Variants in NFIB observed in about 807,000 individuals in gnomAD.
NFIB encodes nuclear factor I B, also known as nuclear factor 1 B-type.
A neutral mutation model predicts 61.5 loss-of-function variants in NFIB; 11 were observed. The ratio of observed to expected loss-of-function variants is 0.18; its 90% confidence interval spans 0.11 to 0.30. NFIB has a LOEUF of 0.30. Ranked by LOEUF, NFIB falls within the 10% of genes least tolerant of loss-of-function variation. The pLI is 1.00. For missense variants in NFIB, 471 were observed against 608.9 expected (o/e 0.77, Z 2.38); for synonymous variants, 260 against 216.5 (o/e 1.20, Z -1.76).
the NFIB span, among the ~76,000 whole-genome samples, chr9:14,450,055 G>A: frequency 6.6e-6 from 1 of 151,948 alleles, no homozygotes; most frequent in East Asian, 1.9e-4. Flanking sequence ...GTGCCATGTT[G>A]GTTTGCTGCA....
rs567352259 is a variant in NFIB at position 14,084,384 on chromosome 9, G to C, written c.*3925C>G. ...ATTAAGAAGACCTTTCGCTCTTCTC[G>C]CTACTTGCAGCTTCACAGATTCATT... On this transcript the variant is annotated 3_prime_UTR_variant, in exon 11 of 11. Transcript: ENST00000380953. 1 of 222,208 alleles carries C rather than the reference G, an allele frequency of 4.5e-6. No individual in the cohort carries two copies. Among genetic ancestry groups the C allele is most frequent in the East Asian group, 6.6e-5 (1 of 15,174 alleles). The allele number at this position is 222,208 out of a possible 1,614,324, so 13.8% of individuals were successfully genotyped here. A position where few individuals can be genotyped will look rare whatever the true frequency, so the allele number is the denominator to read the frequency against.
chr9:14,088,392 A>AACAAT, intron 10 of NFIB, 66 bp from the exon 11 acceptor site: 1 of 1,379,502 alleles, frequency 7.2e-7, no homozygotes, highest in Non-Finnish European at 9.6e-7. Context: ...TAAAATCTAC[A>AACAAT]ACAATATGAG....
At chr9:14,488,529 A>C in the NFIB span, among the ~76,000 whole-genome samples, 9 of 152,072 alleles carry the variant, frequency 5.9e-5, no homozygotes, top group African/African-American at 2.2e-4. Context: ...TTAGCTTATA[A>C]TTTTCATGCC....
At chr9:14,514,091 G>A in the NFIB span, among the ~76,000 whole-genome samples, 1 of 152,072 alleles carries the variant, frequency 6.6e-6, no homozygotes, top group East Asian at 1.9e-4. Context: ...AAAATTTGTG[G>A]CAATGTAGCT....
intron 3 of NFIB, among the ~76,000 whole-genome samples, chr9:14,162,442 C>T (rs749938067): frequency 5.3e-5 from 8 of 152,002 alleles, no homozygotes; most frequent in Non-Finnish European, 8.8e-5. Context: ...ATTATCTTTG[C>T]TCATCCATGG....
At chr9:14,111,345 G>C (rs1332686557) in intron 10 of NFIB, among the ~76,000 whole-genome samples, 1 of 152,168 alleles carries the variant, frequency 6.6e-6, no homozygotes, top group Non-Finnish European at 1.5e-5. Flanking sequence ...CCATAGGTTA[G>C]GGTAGTGGAG....
At chr9:14,100,701 G>C (rs1161279089) in intron 10 of NFIB, among the ~76,000 whole-genome samples, 2 of 152,196 alleles carry the variant, frequency 1.3e-5, no homozygotes, top group African/African-American at 4.8e-5. Flanking sequence ...TTGACAGAGC[G>C]AGACTCCGTC....
the NFIB span, among the ~76,000 whole-genome samples, chr9:14,441,195 T>A: frequency 6.8e-6 from 1 of 147,104 alleles, no homozygotes; most frequent in Non-Finnish European, 1.5e-5. Context: ...AAAACCAGCC[T>A]AATTGAATGT....
At chr9:14,274,105 A>C (rs2057821833) in intron 2 of NFIB, among the ~76,000 whole-genome samples, 1 of 152,158 alleles carries the variant, frequency 6.6e-6, no homozygotes, top group African/African-American at 2.4e-5. Flanking sequence ...TCTCATCTTG[A>C]CCACTACTTT....
intron 1 of NFIB, among the ~76,000 whole-genome samples, chr9:14,342,317 C>T (rs772393700): frequency 1.3e-5 from 2 of 152,100 alleles, no homozygotes; most frequent in African/African-American, 2.4e-5. Context: ...ATTACTGGGA[C>T]TCAAGGAGCA....
intron 2 of NFIB, among the ~76,000 whole-genome samples, chr9:14,199,366 G>C (rs1021253549): frequency 1.3e-5 from 2 of 152,150 alleles, no homozygotes; most frequent in Admixed American, 6.5e-5. Context: ...GAAACAGTGG[G>C]GAAAGCCCAG....
chr9:14,157,539 A>C (rs2043579127), intron 3 of NFIB, among the ~76,000 whole-genome samples: 1 of 152,168 alleles, frequency 6.6e-6, no homozygotes, highest in South Asian at 2.1e-4. Flanking sequence ...ATTATAACAA[A>C]ATGTCCCAAT....
the NFIB span, among the ~76,000 whole-genome samples, chr9:14,484,624 C>T: frequency 6.6e-6 from 1 of 152,160 alleles, no homozygotes; most frequent in Admixed American, 6.5e-5. Context: ...CAGCTACTAC[C>T]ATCCTGGATG....
intron 2 of NFIB, among the ~76,000 whole-genome samples, chr9:14,288,620 T>C (rs1479499848): frequency 6.6e-6 from 1 of 152,096 alleles, no homozygotes; most frequent in African/African-American, 2.4e-5. Context: ...ACCTTTCCAT[T>C]GCAGTCACAC....
intron 1 of NFIB, among the ~76,000 whole-genome samples, chr9:14,378,607 G>T (rs544494886): frequency 6.6e-6 from 1 of 152,262 alleles, no homozygotes; most frequent in African/African-American, 2.4e-5. Context: ...CACCCGCATG[G>T]GCCTCCCAAA....
At chr9:14,318,385 G>GT (rs1344292418), upstream of NFIB, among the ~76,000 whole-genome samples, 2 of 150,644 alleles carry the variant, frequency 1.3e-5, no homozygotes, top group Non-Finnish European at 1.5e-5. Context: ...ATCTAATATT[G>GT]TTTTTCTTTT....
chr9:14,259,182 T>C (rs147524969), intron 2 of NFIB, among the ~76,000 whole-genome samples: 306 of 152,320 alleles, frequency 2.0e-3, no homozygotes, highest in African/African-American at 7.2e-3. Flanking sequence ...AGTGATAACA[T>C]TTCTTTGTTT....
chr9:14,365,875 A>C (rs1165346493), intron 1 of NFIB, among the ~76,000 whole-genome samples: 1 of 152,126 alleles, frequency 6.6e-6, no homozygotes, highest in Non-Finnish European at 1.5e-5. Context: ...AAAACCTCCC[A>C]AACTGTACAT....
intron 2 of NFIB, among the ~76,000 whole-genome samples, chr9:14,228,927 ATC>A (rs1472614643): frequency 6.6e-6 from 1 of 151,922 alleles, no homozygotes; most frequent in Non-Finnish European, 1.5e-5. Context: ...AAATTCCTTT[ATC>A]TCTTTTACTT....
Sources: gnomAD v4.1 joint callset for allele counts (sites outside exome capture counted in the v4.1 genomes callset) on GRCh38, gnomAD v4.1.1 for gene constraint, MANE v1.5 for transcripts, NCBI Gene and HGNC (gene_info 2026-07-23, HGNC 2026-07-21) for gene names.